DCLK1: variants seen among roughly 807,000 people sequenced by gnomAD.
DCLK1 encodes the protein doublecortin like kinase 1.
DCLK1 carries 16 observed loss-of-function variants against 86.2 expected under a neutral mutation model. That is an observed-to-expected ratio of 0.19 (90% CI 0.13 to 0.28). The LOEUF (loss-of-function observed/expected upper bound fraction) is 0.28. Ranked by LOEUF, DCLK1 falls within the 10% of genes least tolerant of loss-of-function variation. DCLK1 has a pLI of 1.00. For missense variants in DCLK1, 590 were observed against 940.2 expected, an observed-to-expected ratio of 0.63 and a Z score of 4.87; for synonymous variants, 369 against 370.5, an observed-to-expected ratio of 1.00 and a Z score of 0.05.
chr13:35,943,779 A>G (rs1027030771), intron 4 of DCLK1, among the ~76,000 whole-genome samples: 30 of 152,158 alleles, frequency 2.0e-4, no homozygotes, highest in Non-Finnish European at 4.4e-5. Flanking sequence ...AAACCCTATC[A>G]CTTTTAAATG....
intron 3 of DCLK1, among the ~76,000 whole-genome samples, chr13:36,091,289 A>T (rs932059490): frequency 7.9e-5 from 12 of 152,332 alleles, no homozygotes; most frequent in African/African-American, 2.9e-4. Context: ...TAGGTGCAGC[A>T]AACCATGATG....
chr13:35,934,097 C>G (rs1050146767), intron 4 of DCLK1, among the ~76,000 whole-genome samples: 13 of 152,138 alleles, frequency 8.5e-5, no homozygotes, highest in Non-Finnish European at 1.5e-4. Flanking sequence ...TGCTGTCAGT[C>G]TCTGCTAAAA....
At chr13:36,045,332 G>GTGTGTA (rs1434268651) in intron 3 of DCLK1, among the ~76,000 whole-genome samples, 8 of 55,770 alleles carry the variant, frequency 1.4e-4, no homozygotes, top group African/African-American at 5.6e-4. Context: ...GTGTGTGTGT[G>GTGTGTA]TATATATATA....
chr13:35,840,143 G>A (rs571619000), intron 6 of DCLK1, among the ~76,000 whole-genome samples: 1 of 152,226 alleles, frequency 6.6e-6, no homozygotes, highest in Non-Finnish European at 1.5e-5. Flanking sequence ...AGCATCTGTA[G>A]TTGAATTAAT....
chr13:36,093,995 C>A (rs1257016027), intron 3 of DCLK1, among the ~76,000 whole-genome samples: 1 of 152,132 alleles, frequency 6.6e-6, no homozygotes, highest in Non-Finnish European at 1.5e-5. Context: ...CTCCAGTGAT[C>A]CTCCTGCCTC....
intron 3 of DCLK1, among the ~76,000 whole-genome samples, chr13:36,046,718 GA>G (rs558381446): frequency 9.1e-4 from 139 of 152,250 alleles, no homozygotes; most frequent in African/African-American, 3.2e-3. Context: ...AGTAACTCTC[GA>G]CTTAAAATAT....
At position 35,773,053 on chromosome 13, in the gene DCLK1, A is replaced by T. The variant is rs1034488996; in HGVS notation, c.*1482T>A. On this transcript the variant is annotated 3_prime_UTR_variant, in exon 17 of 17. Transcript: ENST00000360631. ...CCAGCAAACCTTGGGAATACATTTG[A>T]GTTGGGCACCTGCCTCTAAGACACC... The T allele has an allele frequency of 6.6e-5, 10 of 152,104 alleles. No homozygotes were observed. The highest frequency in any genetic ancestry group is 2.2e-4 in the African/African-American group (9 of 41,402). The allele number at this position is 152,104 out of a possible 1,614,324, so 9.4% of individuals were successfully genotyped here.
intron 3 of DCLK1, among the ~76,000 whole-genome samples, chr13:36,068,506 G>C (rs546158454): frequency 1.3e-5 from 2 of 151,904 alleles, no homozygotes; most frequent in Non-Finnish European, 2.9e-5. Context: ...TAAATCCTTA[G>C]ATTTAACAAA....
intron 2 of DCLK1, among the ~76,000 whole-genome samples, chr13:36,119,525 T>C (rs1789321952): frequency 6.6e-6 from 1 of 152,188 alleles, no homozygotes; most frequent in Admixed American, 6.5e-5. Context: ...AGAGTGAATA[T>C]ACCTGACAGA....
rs183267733 is a variant in DCLK1, at chr13:35,808,863, T to C, written c.1766+155A>G. On this transcript the variant is annotated intron_variant, in intron 13 of 16. Coordinates refer to ENST00000360631, the MANE Select transcript of DCLK1 (RefSeq NM_001330071.2). Reference sequence around the variant, plus strand: ...AATATGGAAGGCATATAAATTAGCATGCATGACATAACAGGGAAAAAATAA... The same window carrying C: ...AATATGGAAGGCATATAAATTAGCACGCATGACATAACAGGGAAAAAATAA... Among the ~76,000 whole-genome samples the C allele has an allele frequency of 3.8e-3, 585 of 152,134 alleles. 6 individuals carry two copies. Among genetic ancestry groups the C allele is most frequent in the South Asian group, 0.011 (53 of 4,812 alleles).
intron 3 of DCLK1, among the ~76,000 whole-genome samples, chr13:36,107,322 C>T (rs1442533097): frequency 1.4e-5 from 2 of 145,492 alleles, no homozygotes; most frequent in East Asian, 4.1e-4. Flanking sequence ...CTCTAGCATG[C>T]TAGCAGTGGT....
chr13:36,078,950 AG>A (rs1225137595), intron 3 of DCLK1, among the ~76,000 whole-genome samples: 1 of 152,124 alleles, frequency 6.6e-6, no homozygotes, highest in Non-Finnish European at 1.5e-5. Context: ...GAGAAAACCG[AG>A]GGGGATGGTG....
intron 3 of DCLK1, among the ~76,000 whole-genome samples, chr13:36,053,458 C>T (rs1316072887): frequency 1.3e-5 from 2 of 151,972 alleles, no homozygotes; most frequent in African/African-American, 2.4e-5. Context: ...CAGAGTCAAC[C>T]AATACTTATT....
chr13:35,823,849 C>A (rs2087455519), intron 10 of DCLK1, among the ~76,000 whole-genome samples: 2 of 152,216 alleles, frequency 1.3e-5, no homozygotes, highest in South Asian at 4.1e-4. Flanking sequence ...TTCAAATCTG[C>A]CTCTCGGGCC....
intron 15 of DCLK1, among the ~76,000 whole-genome samples, chr13:35,794,160 G>A (rs965616790): frequency 2.0e-5 from 3 of 152,184 alleles, no homozygotes; most frequent in Non-Finnish European, 4.4e-5. Flanking sequence ...ACTAAATACT[G>A]TTAGAATCAC....
chr13:35,867,925 G>GAA (rs1593679896), intron 5 of DCLK1, among the ~76,000 whole-genome samples: 6 of 126,118 alleles, frequency 4.8e-5, no homozygotes, highest in Non-Finnish European at 8.2e-5. Flanking sequence ...AAGAAAGAAA[G>GAA]AAAGAAAGAA....
rs1264751018 is a variant in DCLK1, at chr13:35,958,045, CCAT to C, written c.724-10591_724-10589del. ...CACACCACAACTACCACCACCACCACCATCACCACTATAACCACTAGCACCACC... is the reference window on the plus strand; with the variant it reads ...CACACCACAACTACCACCACCACCACCACCACTATAACCACTAGCACCACC... On this transcript the variant is annotated intron_variant, in intron 3 of 16. Transcript: ENST00000360631. Among the ~76,000 whole-genome samples, 9 of 131,394 alleles carry C rather than the reference CCAT, an allele frequency of 6.8e-5. No individual in the cohort carries two copies. In the East Asian group the frequency reaches 1.2e-3, roughly 18 times the overall value. The allele number at this position is 131,394 out of a possible 152,430, so 86.2% of individuals were successfully genotyped here. A position where few individuals can be genotyped will look rare whatever the true frequency, so the allele number is the denominator to read the frequency against.
chr13:36,100,201 A>C (rs1031007593), intron 3 of DCLK1, among the ~76,000 whole-genome samples: 2,085 of 131,340 alleles, frequency 0.016, 139 homozygotes, highest in African/African-American at 0.053. Context: ...AAAAAAAAAA[A>C]AAAAAAAAAA....
chr13:36,051,602 T>C (rs1054645326), intron 3 of DCLK1, among the ~76,000 whole-genome samples: 1 of 152,182 alleles, frequency 6.6e-6, no homozygotes, highest in Non-Finnish European at 1.5e-5. Flanking sequence ...TTTTTTGAAA[T>C]TCACTCGTCT....
Sources: gnomAD v4.1 joint callset for allele counts (sites outside exome capture counted in the v4.1 genomes callset) on GRCh38, gnomAD v4.1.1 for gene constraint, MANE v1.5 for transcripts, NCBI Gene and HGNC (gene_info 2026-07-23, HGNC 2026-07-21) for gene names.